Variants in FGGY observed in about 807,000 individuals in gnomAD.
FGGY encodes the protein FGGY carbohydrate kinase domain containing, also known as FGGY carbohydrate kinase domain-containing protein.
FGGY carries 72 observed loss-of-function variants against 71.3 expected under a neutral mutation model. The observed-to-expected ratio is 1.01, with a 90% CI of 0.84 to 1.23. FGGY has a LOEUF of 1.23. FGGY is among the 50% of genes most tolerant of loss of function. The probability of loss-of-function intolerance (pLI) is 0.00; values close to 1 mark genes in which losing one functional copy is unlikely to be tolerated. For missense variants in FGGY, 668 were observed against 682.3 expected, an observed-to-expected ratio of 0.98 and a Z score of 0.23; for synonymous variants, 251 against 250.3, an observed-to-expected ratio of 1.00 and a Z score of -0.02.
chr1:59,681,847 G>C (rs2097503360), intron 14 of FGGY, among the ~76,000 whole-genome samples: 1 of 151,776 alleles, frequency 6.6e-6, no homozygotes, highest in Non-Finnish European at 1.5e-5. Flanking sequence ...AAAAGTTTGA[G>C]GTTCGATTCA....
At chr1:59,621,244 G>A (rs1211640893) in intron 9 of FGGY, among the ~76,000 whole-genome samples, 2 of 151,886 alleles carry the variant, frequency 1.3e-5, no homozygotes, top group Non-Finnish European at 2.9e-5. Flanking sequence ...GTCACATTTG[G>A]GATTGAGGCT....
At chr1:59,427,274 T>A (rs771006140) in intron 5 of FGGY, among the ~76,000 whole-genome samples, 59 of 152,172 alleles carry the variant, frequency 3.9e-4, no homozygotes, top group Admixed American at 8.5e-4. Flanking sequence ...GGGCCCTTGC[T>A]GCCTCCCTCC....
intron 7 of FGGY, among the ~76,000 whole-genome samples, chr1:59,551,173 G>A (rs1288474269): frequency 6.6e-6 from 1 of 152,070 alleles, no homozygotes; most frequent in Non-Finnish European, 1.5e-5. Flanking sequence ...CTCTTTTTAA[G>A]CATTTCTGCA....
intron 8 of FGGY, among the ~76,000 whole-genome samples, chr1:59,597,122 A>G (rs1571893972): frequency 6.6e-6 from 1 of 152,196 alleles, no homozygotes; most frequent in African/African-American, 2.4e-5. Context: ...CTGGCCAGAA[A>G]TGGAGAAAGT....
intron 7 of FGGY, among the ~76,000 whole-genome samples, chr1:59,529,106 G>A (rs955974034): frequency 1.3e-5 from 2 of 152,190 alleles, no homozygotes; most frequent in African/African-American, 2.4e-5. Flanking sequence ...ATGCATGAAT[G>A]AATACATGCG....
intron 14 of FGGY, among the ~76,000 whole-genome samples, chr1:59,721,925 T>C (rs895712306): frequency 6.6e-6 from 1 of 152,234 alleles, no homozygotes; most frequent in Admixed American, 6.5e-5. Flanking sequence ...TAGTGTTTAC[T>C]TGTTTTGTGA....
At chr1:59,614,392 A>G (rs1321063875) in intron 9 of FGGY, among the ~76,000 whole-genome samples, 5 of 152,274 alleles carry the variant, frequency 3.3e-5, no homozygotes, top group Non-Finnish European at 7.3e-5. Flanking sequence ...AACCAACGAC[A>G]AAAACCACAT....
chr1:59,397,285 A>ACCAGGC (rs1480047456), intron 5 of FGGY, among the ~76,000 whole-genome samples: 2 of 152,160 alleles, frequency 1.3e-5, no homozygotes, highest in Non-Finnish European at 2.9e-5. Flanking sequence ...TTCCACGGCT[A>ACCAGGC]CCAGGGCTGC....
intron 5 of FGGY, among the ~76,000 whole-genome samples, chr1:59,436,737 C>T (rs2068560399): frequency 6.6e-6 from 1 of 152,016 alleles, no homozygotes. Context: ...CAGCCTGTGC[C>T]TGGAGACTGG....
chr1:59,500,175 G>C (rs1039611960), intron 6 of FGGY, among the ~76,000 whole-genome samples: 2 of 152,034 alleles, frequency 1.3e-5, no homozygotes, highest in African/African-American at 4.8e-5. Context: ...CAAATTCCAG[G>C]GTATGCTTGA....
At chr1:59,527,719 T>G (rs1189495565) in intron 7 of FGGY, among the ~76,000 whole-genome samples, 1 of 152,240 alleles carries the variant, frequency 6.6e-6, no homozygotes, top group Non-Finnish European at 1.5e-5. Flanking sequence ...TGTTCCTGTT[T>G]TAGTTAGAAA....
intron 6 of FGGY, among the ~76,000 whole-genome samples, chr1:59,481,671 C>T (rs948254589): frequency 6.6e-6 from 1 of 152,150 alleles, no homozygotes; most frequent in Non-Finnish European, 1.5e-5. Context: ...GTTCTGTTTT[C>T]ATAATGCCAG....
chr1:59,523,417 G>C (rs904078426), intron 7 of FGGY, among the ~76,000 whole-genome samples: 4 of 152,162 alleles, frequency 2.6e-5, no homozygotes, highest in Non-Finnish European at 5.9e-5. Context: ...TAAACTGCTG[G>C]CTTCTTCCTT....
chr1:59,329,659 C>T lies in FGGY; in HGVS notation c.201+7909C>T, dbSNP rs577597955. ...CTCAAACATGCAATGCTCCCTTTAGCGTAAGAATTGTTACCCAGATTCTTT... is the reference window on the plus strand; with the variant it reads ...CTCAAACATGCAATGCTCCCTTTAGTGTAAGAATTGTTACCCAGATTCTTT... On this transcript the variant is annotated intron_variant, in intron 2 of 15. Coordinates refer to ENST00000303721, the MANE Select transcript of FGGY (RefSeq NM_018291.5). Among the ~76,000 whole-genome samples the T allele has an allele frequency of 1.8e-4, 28 of 152,276 alleles. No individual in the cohort carries two copies. In the South Asian group the frequency reaches 4.1e-3, roughly 23 times the overall value.
At chr1:59,537,977 A>C (rs2095362236) in intron 7 of FGGY, among the ~76,000 whole-genome samples, 1 of 152,178 alleles carries the variant, frequency 6.6e-6, no homozygotes, top group Non-Finnish European at 1.5e-5. Context: ...CAATGGCAAC[A>C]AAAGCCAAAA....
chr1:59,549,145 G>A lies in FGGY; in HGVS notation c.800-4979G>A, dbSNP rs75785945. 1.1e-4 allele frequency among the ~76,000 whole-genome samples: 16 copies of A among 152,252 alleles called. No individual in the cohort carries two copies. In the East Asian group the frequency reaches 2.9e-3, roughly 28 times the overall value. On this transcript the variant is annotated intron_variant, in intron 7 of 15. Transcript: ENST00000303721. ...TGATATGATTCTTATCCTTCCAGAA[G>A]CATACAGTTGTCAATTTGCATGTAT...
intron 5 of FGGY, among the ~76,000 whole-genome samples, chr1:59,448,913 G>T (rs534459996): frequency 2.3e-4 from 35 of 152,266 alleles, no homozygotes; most frequent in Admixed American, 5.2e-4. Context: ...CACGGTTCTG[G>T]ACTCCTTTAG....
chr1:59,350,182 C>G (rs1557637100), intron 4 of FGGY, among the ~76,000 whole-genome samples: 1 of 152,078 alleles, frequency 6.6e-6, no homozygotes, highest in East Asian at 1.9e-4. Context: ...TTCTTTAATT[C>G]TTGGAAGTCT....
At position 59,448,679 on chromosome 1, in the gene FGGY, C is replaced by T. The variant is rs2071905263; in HGVS notation, c.555-8282C>T. ...CATGCATTGTGCTCTCAAAATTTGC[C>T]AGAGTAGCATTGTGCTTATTCATCC... On this transcript the variant is annotated intron_variant, in intron 5 of 15. Coordinates refer to ENST00000303721, the MANE Select transcript of FGGY (RefSeq NM_018291.5). Among the ~76,000 whole-genome samples, 3 of 152,136 alleles carry T rather than the reference C, an allele frequency of 2.0e-5. No individual in the cohort carries two copies. The South Asian group carries it at 6.2e-4, about 32-fold the overall frequency.
Sources: allele counts gnomAD v4.1 joint callset (sites outside exome capture counted in the v4.1 genomes callset), GRCh38; gene constraint gnomAD v4.1.1; transcripts MANE v1.5; gene names NCBI Gene and HGNC (gene_info 2026-07-23, HGNC 2026-07-21).